Variants in KLF8 observed in about 807,000 individuals in gnomAD.
KLF8 encodes KLF transcription factor 8, also known as Krueppel-like factor 8.
A neutral mutation model predicts 18.2 loss-of-function variants in KLF8; 10 were observed. That is an observed-to-expected ratio of 0.55 (90% CI 0.34 to 0.93). The LOEUF (loss-of-function observed/expected upper bound fraction) is 0.93. Among genes scored for constraint, KLF8 ranks in the 40% least tolerant of loss-of-function variants. The pLI is 0.02. For synonymous variants in KLF8, 109 were observed against 97.3 expected (o/e 1.12, Z -0.71); for missense variants, 264 against 277.9 (o/e 0.95, Z 0.36).
the KLF8 span, among the ~76,000 whole-genome samples, chrX:56,048,312 C>T: frequency 9.0e-6 from 1 of 111,564 alleles, no homozygotes; most frequent in Middle Eastern, 4.2e-3. Context: ...TTGCCATTGT[C>T]TTTGGTGTTT....
the KLF8 span, among the ~76,000 whole-genome samples, chrX:55,930,000 C>A: frequency 1.8e-5 from 2 of 110,460 alleles, no homozygotes; most frequent in South Asian, 7.7e-4. Context: ...GATATTGATT[C>A]TTCCTACCCA....
chrX:56,088,694 G>A, the KLF8 span, among the ~76,000 whole-genome samples: 12 of 111,462 alleles, frequency 1.1e-4, no homozygotes, highest in South Asian at 4.5e-3. Context: ...AGATTCCAGA[G>A]GGAGCCATTC....
At chrX:56,075,905 C>A in the KLF8 span, among the ~76,000 whole-genome samples, 1 of 111,738 alleles carries the variant, frequency 8.9e-6, no homozygotes, top group Admixed American at 9.5e-5. Flanking sequence ...TTCCTAAAAA[C>A]CATTCATCTG....
At chrX:56,079,175 C>A in the KLF8 span, among the ~76,000 whole-genome samples, 1 of 110,720 alleles carries the variant, frequency 9.0e-6, no homozygotes, top group Admixed American at 9.6e-5. Context: ...TATTTCTTGC[C>A]TTCTGCTAGC....
chrX:56,131,836 T>A, the KLF8 span, among the ~76,000 whole-genome samples: 1 of 112,019 alleles, frequency 8.9e-6, no homozygotes, highest in African/African-American at 3.2e-5. Flanking sequence ...GGATTAGCTA[T>A]TCTTATATCA....
the KLF8 span, among the ~76,000 whole-genome samples, chrX:55,984,612 T>C: frequency 8.9e-6 from 1 of 111,937 alleles, no homozygotes; most frequent in African/African-American, 3.2e-5. Flanking sequence ...TATAACAGAA[T>C]GGTCTATATT....
At chrX:55,918,735 C>T in the KLF8 span, among the ~76,000 whole-genome samples, 8 of 111,001 alleles carry the variant, frequency 7.2e-5, no homozygotes, top group Non-Finnish European at 1.5e-4. Context: ...TGTATATGAG[C>T]GTGTCCGTGT....
the KLF8 span, among the ~76,000 whole-genome samples, chrX:56,160,508 T>C: frequency 9.0e-6 from 1 of 111,449 alleles, no homozygotes; most frequent in African/African-American, 3.3e-5. Flanking sequence ...CTCCCATTAC[T>C]ATTGTGTGGG....
At chrX:56,091,359 C>T in the KLF8 span, among the ~76,000 whole-genome samples, 1 of 110,932 alleles carries the variant, frequency 9.0e-6, no homozygotes, top group Non-Finnish European at 1.9e-5. Context: ...CCTGAGGCCT[C>T]CCCAGCCGTG....
the KLF8 span, among the ~76,000 whole-genome samples, chrX:56,111,066 C>T: frequency 8.9e-6 from 1 of 111,833 alleles, no homozygotes; most frequent in East Asian, 2.8e-4. Flanking sequence ...GTCTTAATCT[C>T]TGCTTATTCT....
At chrX:55,971,050 A>G in the KLF8 span, among the ~76,000 whole-genome samples, 1 of 111,441 alleles carries the variant, frequency 9.0e-6, no homozygotes, top group Non-Finnish European at 1.9e-5. Flanking sequence ...CTTTACAAAA[A>G]TAGAACAAAA....
chrX:55,983,457 A>T, the KLF8 span, among the ~76,000 whole-genome samples: 1 of 111,701 alleles, frequency 9.0e-6, no homozygotes, highest in African/African-American at 3.3e-5. Context: ...CACCAACTTC[A>T]TCTCTTAGTA....
At chrX:56,161,248 C>T in the KLF8 span, among the ~76,000 whole-genome samples, 1 of 111,783 alleles carries the variant, frequency 8.9e-6, no homozygotes, top group Admixed American at 9.5e-5. Flanking sequence ...AGCATTTCTG[C>T]CGAGAGATCT....
chrX:56,154,394 T>C, the KLF8 span, among the ~76,000 whole-genome samples: 1 of 111,985 alleles, frequency 8.9e-6, no homozygotes, highest in Non-Finnish European at 1.9e-5. Flanking sequence ...GAAAACTGGC[T>C]AGCCATATGT....
the KLF8 span, among the ~76,000 whole-genome samples, chrX:56,129,533 C>T: frequency 1.1e-4 from 12 of 111,099 alleles, no homozygotes; most frequent in African/African-American, 3.3e-4. Flanking sequence ...CCATCTGGGT[C>T]CCTGGGGAAG....
chrX:56,158,247 A>G, the KLF8 span, among the ~76,000 whole-genome samples: 1 of 111,540 alleles, frequency 9.0e-6, no homozygotes, highest in Non-Finnish European at 1.9e-5. Flanking sequence ...CCATTGGTCT[A>G]TATCTCTGTT....
chrX:56,084,228 A>T, the KLF8 span, among the ~76,000 whole-genome samples: 111 of 110,552 alleles, frequency 1.0e-3, no homozygotes, highest in South Asian at 2.4e-3. Flanking sequence ...AAAATTTTTT[A>T]AAAAAATGGC....
the KLF8 span, among the ~76,000 whole-genome samples, chrX:56,176,774 C>T: frequency 9.0e-6 from 1 of 111,578 alleles, no homozygotes; most frequent in Non-Finnish European, 1.9e-5. Context: ...TCACATAGTC[C>T]CATATTTCTT....
chrX:56,119,670 G>T, the KLF8 span, among the ~76,000 whole-genome samples: 1 of 109,870 alleles, frequency 9.1e-6, no homozygotes, highest in African/African-American at 3.3e-5. Flanking sequence ...AAAGTGCTAG[G>T]ATTACAGGTG....
Sources: gnomAD v4.1 joint callset for allele counts (sites outside exome capture counted in the v4.1 genomes callset) on GRCh38, gnomAD v4.1.1 for gene constraint, MANE v1.5 for transcripts, NCBI Gene and HGNC (gene_info 2026-07-23, HGNC 2026-07-21) for gene names.